The following ZDHHC14 variants were observed in gnomAD, a reference collection of about 807,000 sequenced individuals.
ZDHHC14 encodes zDHHC palmitoyltransferase 14, also known as palmitoyltransferase ZDHHC14.
ZDHHC14 carries 16 observed loss-of-function variants against 47.7 expected under a neutral mutation model. The observed-to-expected ratio is 0.34, with a 90% CI of 0.23 to 0.51. ZDHHC14 has a LOEUF of 0.51. Among genes scored for constraint, ZDHHC14 ranks in the 20% least tolerant of loss-of-function variants. The pLI is 0.97. For synonymous variants in ZDHHC14, 293 were observed against 278.9 expected (o/e 1.05, Z -0.50); for missense variants, 515 against 662.5 (o/e 0.78, Z 2.44).
At chr6:157,423,914 C>CA (rs111946263) in intron 1 of ZDHHC14, among the ~76,000 whole-genome samples, 98 of 152,322 alleles carry the variant, frequency 6.4e-4, no homozygotes, top group African/African-American at 2.2e-3. Context: ...TATGAGGTTT[C>CA]AGAGCACACT....
At chr6:157,476,355 T>A (rs1779483392) in intron 1 of ZDHHC14, among the ~76,000 whole-genome samples, 1 of 152,146 alleles carries the variant, frequency 6.6e-6, no homozygotes, top group African/African-American at 2.4e-5. Context: ...AAGACAATCA[T>A]GAAGACTTAG....
chr6:157,395,722 A>T (rs1280242501), intron 1 of ZDHHC14, among the ~76,000 whole-genome samples: 1 of 150,822 alleles, frequency 6.6e-6, no homozygotes, highest in East Asian at 2.0e-4. Flanking sequence ...TGAACCTGGG[A>T]GGCGGAGGTT....
intron 1 of ZDHHC14, among the ~76,000 whole-genome samples, chr6:157,479,581 G>C (rs950059035): frequency 6.6e-6 from 1 of 152,158 alleles, no homozygotes; most frequent in African/African-American, 2.4e-5. Context: ...TAAATACCTC[G>C]TTAGCCATCG....
Position 157,488,332 on chromosome 6 carries a change from C to T in ZDHHC14, c.246-54253C>T, listed in dbSNP as rs541978934. ...GAGCCCACGGAGCCGGGTTTCTCCC[C>T]GACTTGAACTCAATCGAGGATTTCA... On this transcript the variant is annotated intron_variant, in intron 1 of 8. Transcript: ENST00000359775. 2.4e-3 allele frequency among the ~76,000 whole-genome samples: 371 copies of T among 152,306 alleles called. 1 individual carries two copies. The highest frequency in any genetic ancestry group is 8.1e-3 in the African/African-American group (336 of 41,566).
intron 1 of ZDHHC14, among the ~76,000 whole-genome samples, chr6:157,474,510 G>T (rs928504829): frequency 1.3e-5 from 2 of 152,036 alleles, no homozygotes; most frequent in Non-Finnish European, 2.9e-5. Context: ...TATAATAGCT[G>T]TACTCATTTA....
At chr6:157,640,821 A>G (rs1474212810) in intron 5 of ZDHHC14, among the ~76,000 whole-genome samples, 1 of 152,214 alleles carries the variant, frequency 6.6e-6, no homozygotes, top group African/African-American at 2.4e-5. Flanking sequence ...TCGTTGTAAA[A>G]AATCCCCAAT....
intron 1 of ZDHHC14, among the ~76,000 whole-genome samples, chr6:157,515,462 T>C (rs112007000): frequency 0.076 from 8,259 of 109,096 alleles, 535 homozygotes; most frequent in Admixed American, 0.21. Flanking sequence ...TTTTTCTTTT[T>C]TTTTTTTTTT....
Position 157,403,814 on chromosome 6 carries a change from G to A in ZDHHC14, c.245+21548G>A, listed in dbSNP as rs1045334930. ...CTGCCACCCACCGGTGTCAGGAAGC[G>A]TGAAAGGCAGTCCAGAAGTGGCAAG... On this transcript the variant is annotated intron_variant, in intron 1 of 8. Coordinates refer to ENST00000359775, the MANE Select transcript of ZDHHC14 (RefSeq NM_024630.3). Among the ~76,000 whole-genome samples, 7 of 152,356 alleles carry A rather than the reference G, an allele frequency of 4.6e-5. No homozygotes were observed. In the East Asian group the frequency reaches 7.7e-4, roughly 17 times the overall value.
At chr6:157,633,468 G>A (rs923628002) in intron 5 of ZDHHC14, among the ~76,000 whole-genome samples, 1 of 152,098 alleles carries the variant, frequency 6.6e-6, no homozygotes, top group Non-Finnish European at 1.5e-5. Context: ...ATAGTATTTT[G>A]AATCTTGAAA....
intron 3 of ZDHHC14, among the ~76,000 whole-genome samples, chr6:157,619,933 A>G (rs368981547): frequency 1.3e-5 from 2 of 152,328 alleles, no homozygotes. Context: ...TAATAGTTTA[A>G]GGACACAGAA....
At chr6:157,464,524 G>A (rs145040953) in intron 1 of ZDHHC14, among the ~76,000 whole-genome samples, 94 of 152,276 alleles carry the variant, frequency 6.2e-4, no homozygotes, top group African/African-American at 2.1e-3. Context: ...ATGGTTACTT[G>A]TGCTCTTCAA....
intron 2 of ZDHHC14, among the ~76,000 whole-genome samples, chr6:157,568,137 A>G (rs1434048047): frequency 6.6e-6 from 1 of 152,246 alleles, no homozygotes; most frequent in Non-Finnish European, 1.5e-5. Flanking sequence ...GAAATACTTC[A>G]TTGACATCTA....
At chr6:157,529,718 A>AT in intron 1 of ZDHHC14, among the ~76,000 whole-genome samples, 2 of 152,380 alleles carry the variant, frequency 1.3e-5, no homozygotes, top group East Asian at 3.9e-4. Context: ...TGAGATCCTT[A>AT]TAAAAAGGTG....
chr6:157,650,243 G>C (rs1252814235), intron 7 of ZDHHC14, among the ~76,000 whole-genome samples: 1 of 152,240 alleles, frequency 6.6e-6, no homozygotes, highest in African/African-American at 2.4e-5. Context: ...GAGTTCGGAG[G>C]AGGAAGCGGT....
At chr6:157,469,809 G>A (rs971738818) in intron 1 of ZDHHC14, among the ~76,000 whole-genome samples, 9 of 152,198 alleles carry the variant, frequency 5.9e-5, no homozygotes, top group Non-Finnish European at 1.2e-4. Context: ...CCAGGTGCCC[G>A]GAAGTGGAGC....
intron 2 of ZDHHC14, among the ~76,000 whole-genome samples, chr6:157,554,377 G>T (rs1172567660): frequency 6.6e-6 from 1 of 152,216 alleles, no homozygotes; most frequent in Non-Finnish European, 1.5e-5. Context: ...ACGAGTTCTA[G>T]CAGTGACATT....
intron 3 of ZDHHC14, 23 bp downstream of exon 3, chr6:157,593,169 C>T (rs1212224350): frequency 1.3e-6 from 2 of 1,594,088 alleles, no homozygotes; most frequent in South Asian, 1.1e-5. Context: ...TGGGCGGAGC[C>T]TGGCGGGAGC....
chr6:157,603,888 A>G (rs1784431309), intron 3 of ZDHHC14, among the ~76,000 whole-genome samples: 1 of 152,222 alleles, frequency 6.6e-6, no homozygotes. Flanking sequence ...AAGGCACACA[A>G]CATGTCAGTG....
chr6:157,457,226 G>C (rs9406299), intron 1 of ZDHHC14, among the ~76,000 whole-genome samples: 40,792 of 150,342 alleles, frequency 0.27, 6,248 homozygotes, highest in East Asian at 0.5. Flanking sequence ...TTTGGCGCCA[G>C]AGTGGGCCAC....
Sources: gnomAD v4.1 joint callset for allele counts (sites outside exome capture counted in the v4.1 genomes callset) on GRCh38, gnomAD v4.1.1 for gene constraint, MANE v1.5 for transcripts, NCBI Gene and HGNC (gene_info 2026-07-23, HGNC 2026-07-21) for gene names.